The following FUS variants were observed in gnomAD, a reference collection of about 807,000 sequenced individuals.
FUS encodes RNA-binding protein FUS.
A neutral mutation model predicts 82.7 loss-of-function variants in FUS; 5 were observed. The ratio of observed to expected loss-of-function variants is 0.06; its 90% confidence interval spans 0.03 to 0.13. The LOEUF (loss-of-function observed/expected upper bound fraction) is 0.13. Among genes scored for constraint, FUS ranks in the 10% least tolerant of loss-of-function variants. The pLI is 1.00. For missense variants in FUS, 512 were observed against 707.8 expected, an observed-to-expected ratio of 0.72 and a Z score of 3.14; for synonymous variants, 281 against 247.4, an observed-to-expected ratio of 1.14 and a Z score of -1.27.
At chr16:31,187,911 A>G in intron 7 of FUS, 1 of 270,836 alleles carries the variant, frequency 3.7e-6, no homozygotes. Flanking sequence ...AAGTTGGGAG[A>G]AACTGGATGG....
At chr16:31,183,783 T>C (rs2079216367) in intron 3 of FUS, 75 bp from the exon 4 acceptor site, 3 of 1,570,350 alleles carry the variant, frequency 1.9e-6, no homozygotes, top group South Asian at 1.1e-5. Context: ...ATAGGTATTA[T>C]GTTTTCTTTA....
In FUS at chr16:31,183,051, T is replaced by C. The variant is rs530199056; in HGVS notation, c.190+387T>C. 449 of 305,868 alleles carry C rather than the reference T, an allele frequency of 1.5e-3. 2 individuals are homozygous for C. The highest frequency in any genetic ancestry group is 2.0e-3 in the Non-Finnish European group (312 of 156,874). 18.9% of individuals were successfully genotyped at this position (305,868 alleles called of 1,614,324 possible). A position where few individuals can be genotyped will look rare whatever the true frequency, so the allele number is the denominator to read the frequency against. On this transcript the variant is annotated intron_variant, in intron 3 of 14. Coordinates refer to ENST00000254108, the MANE Select transcript of FUS (RefSeq NM_004960.4). ...CTGAGCAGCACTGAGATGTTGAAAC[T>C]GTTCCATATTTCTTTTCCGTGAAAC...
chr16:31,182,278 A>C, intron 1 of FUS, 120 bp from the exon 2 acceptor site: 1 of 1,203,524 alleles, frequency 8.3e-7, no homozygotes, highest in Non-Finnish European at 1.2e-6. Flanking sequence ...GGCATGATCC[A>C]CCGTGCCTGG....
At chr16:31,193,631 A>C, downstream of FUS, 2 of 529,402 alleles carry the variant, frequency 3.8e-6, 1 homozygote, top group South Asian at 3.1e-5. Context: ...AAAAGGAAAT[A>C]GGGTCCCAGG....
intron 5 of FUS, 90 bp downstream of exon 5, chr16:31,184,486 G>A: frequency 7.9e-7 from 1 of 1,259,950 alleles, no homozygotes; most frequent in Non-Finnish European, 1.1e-6. Context: ...CTCTGTTGCT[G>A]AGGCTGGAGT....
In FUS at chr16:31,191,476, C is replaced by T; in HGVS notation, c.*38C>T. 1.2e-6 allele frequency: 2 copies of T among 1,607,738 alleles called. No homozygotes were observed. Among genetic ancestry groups the T allele is most frequent in the Non-Finnish European group, 8.5e-7 (1 of 1,175,692 alleles). ...CCCAGGTTCTGGAACAGCTTTTTGTCCTGTACCCAGTGTTACCCTCGTTAT... is the reference window on the plus strand; with the variant it reads ...CCCAGGTTCTGGAACAGCTTTTTGTTCTGTACCCAGTGTTACCCTCGTTAT... On this transcript the variant is annotated 3_prime_UTR_variant, in exon 15 of 15. Coordinates refer to ENST00000254108, the MANE Select transcript of FUS (RefSeq NM_004960.4).
chr16:31,182,756 G>C (rs748287501), intron 3 of FUS, 92 bp downstream of exon 3: 3 of 1,534,656 alleles, frequency 2.0e-6, no homozygotes, highest in South Asian at 1.1e-5. Flanking sequence ...TGGTCCTGTT[G>C]CCCAGGCTGG....
intron 7 of FUS, 45 bp downstream of exon 7, chr16:31,186,881 T>C: frequency 6.4e-7 from 1 of 1,550,636 alleles, no homozygotes; most frequent in South Asian, 1.1e-5. Flanking sequence ...CAGCAATGCT[T>C]TGTCTGATTG....
intron 2 of FUS, 21 bp downstream of exon 2, chr16:31,182,443 T>C (rs1418771162): frequency 3.3e-5 from 53 of 1,614,258 alleles, no homozygotes; most frequent in Non-Finnish European, 4.5e-5. Context: ...TTTTTGGGCT[T>C]CCAGAGTTTG....
intron 7 of FUS, chr16:31,187,491 A>G (rs2079287948): frequency 8.7e-6 from 2 of 229,244 alleles, no homozygotes; most frequent in African/African-American, 2.2e-5. Context: ...TGGACCAGGA[A>G]GGTCTTAAAC....
chr16:31,193,218 T>G (rs1468250889), downstream of FUS: 2 of 495,402 alleles, frequency 4.0e-6, no homozygotes, highest in East Asian at 4.6e-5. Context: ...CCATGACTTT[T>G]AAGAGGAATA....
intron 6 of FUS, chr16:31,186,569 G>A (rs1003465724): frequency 1.2e-5 from 7 of 582,098 alleles, no homozygotes; most frequent in South Asian, 2.1e-5. Flanking sequence ...AATAGATAAC[G>A]TAACCTTTTA....
chr16:31,184,072 A>C, intron 4 of FUS, 70 bp downstream of exon 4: 1 of 1,612,412 alleles, frequency 6.2e-7, no homozygotes, highest in South Asian at 1.1e-5. Context: ...TAAAGGGACC[A>C]GCAGTAGGAG....
intron 3 of FUS, 81 bp from the exon 4 acceptor site, chr16:31,183,777 G>A (rs770744516): frequency 2.6e-6 from 4 of 1,539,824 alleles, no homozygotes; most frequent in East Asian, 2.2e-5. Context: ...ATGAGTATAG[G>A]TATTATGTTT....
intron 8 of FUS, 167 bp downstream of exon 8, chr16:31,188,524 T>C: frequency 1.3e-6 from 1 of 773,946 alleles, no homozygotes; most frequent in Non-Finnish European, 2.2e-6. Flanking sequence ...TTACGAAGTA[T>C]TTCTCAGAAA....
At chr16:31,192,328 C>A (rs767664243), downstream of FUS, 17 of 526,984 alleles carry the variant, frequency 3.2e-5, no homozygotes, top group South Asian at 2.5e-4. Flanking sequence ...GAGTTAAAAC[C>A]TTAGAGCAGT....
chr16:31,187,099 G>T, intron 7 of FUS: 1 of 549,320 alleles, frequency 1.8e-6, no homozygotes, highest in Non-Finnish European at 3.3e-6. Flanking sequence ...CTTGGACTGG[G>T]CCGTTGCCAC....
intron 1 of FUS, among the ~76,000 whole-genome samples, chr16:31,181,007 G>T (rs957843620): frequency 6.6e-6 from 1 of 152,150 alleles, no homozygotes; most frequent in South Asian, 2.1e-4. Context: ...CCACCTCCTG[G>T]GTTCAAGTGA....
chr16:31,191,797 A>G (rs1430708323), downstream of FUS: 1 of 579,646 alleles, frequency 1.7e-6, no homozygotes, highest in East Asian at 3.6e-5. Flanking sequence ...TATAAATGAG[A>G]AATGAAGAAC....
Sources: allele counts gnomAD v4.1 joint callset (sites outside exome capture counted in the v4.1 genomes callset), GRCh38; gene constraint gnomAD v4.1.1; transcripts MANE v1.5; gene names NCBI Gene and HGNC (gene_info 2026-07-23, HGNC 2026-07-21).